The following SERPINE2 variants were observed in gnomAD, a reference collection of about 807,000 sequenced individuals.
SERPINE2 encodes the protein serpin family E member 2, also known as glia-derived nexin.
A neutral mutation model predicts 36.3 loss-of-function variants in SERPINE2; 14 were observed. That is an observed-to-expected ratio of 0.39 (90% CI 0.25 to 0.60). The LOEUF is 0.60. Among genes scored for constraint, SERPINE2 ranks in the 20% least tolerant of loss-of-function variants. The pLI, the probability that SERPINE2 is intolerant of heterozygous loss-of-function variation, is 0.57. For missense variants in SERPINE2, 418 were observed against 499.6 expected, an observed-to-expected ratio of 0.84 and a Z score of 1.56; for synonymous variants, 192 against 191.8, an observed-to-expected ratio of 1.00 and a Z score of -0.01.
chr2:224,028,095 A>G (rs924033771), intron 1 of SERPINE2, among the ~76,000 whole-genome samples: 2 of 152,208 alleles, frequency 1.3e-5, no homozygotes, highest in Admixed American at 6.5e-5. Context: ...GCTAAGGGCT[A>G]ACCAAGGGTG....
At position 224,001,884 on chromosome 2, in the gene SERPINE2, G is replaced by A; in HGVS notation, c.17C>T (p.Pro6Leu). 6.2e-7 allele frequency: 1 copy of A among 1,613,110 alleles called. No homozygotes were observed. Among genetic ancestry groups the A allele is most frequent in the Non-Finnish European group, 8.5e-7 (1 of 1,179,108 alleles). Residue 6 changes from proline to leucine, a missense_variant, in exon 2 of 9, where the codon CCC becomes CTC. By Grantham distance (98) the Pro-to-Leu change is moderately conservative. Transcript: ENST00000409304. The stretch of plus-strand genomic sequence containing the variant: ...CGTCACAGAGGCCAAGAGGAAGAGG[G>A]GGAGATGCCAGTTCATGGTTCCTTC... MNWHL[P>L]LFLLASVTLP... is the part of the protein sequence containing the mutation.
At chr2:223,999,614 G>C (rs1691028189) in intron 2 of SERPINE2, among the ~76,000 whole-genome samples, 1 of 152,104 alleles carries the variant, frequency 6.6e-6, no homozygotes, top group Admixed American at 6.5e-5. Flanking sequence ...CTACAAGTAA[G>C]AAAACGGCCG....
intron 1 of SERPINE2, among the ~76,000 whole-genome samples, chr2:224,014,500 AGGAAAGTCAGAG>A (rs1466764743): frequency 4.6e-5 from 7 of 152,210 alleles, no homozygotes; most frequent in Non-Finnish European, 7.3e-5. Flanking sequence ...TTCTAAACTA[AGGAAAGTCAGAG>A]GGAAAGTCAG....
intron 1 of SERPINE2, among the ~76,000 whole-genome samples, chr2:224,009,397 A>C (rs1691544341): frequency 6.6e-6 from 1 of 152,166 alleles, no homozygotes; most frequent in Non-Finnish European, 1.5e-5. Flanking sequence ...GGGCTTCCCA[A>C]AGAAATAAAT....
intron 1 of SERPINE2, among the ~76,000 whole-genome samples, chr2:224,024,445 C>G (rs917704533): frequency 6.6e-6 from 1 of 152,220 alleles, no homozygotes; most frequent in African/African-American, 2.4e-5. Flanking sequence ...ATTTCCTTTG[C>G]TACAGTTGAT....
At chr2:223,996,968 C>T (rs11884404) in intron 3 of SERPINE2, among the ~76,000 whole-genome samples, 64,555 of 151,974 alleles carry the variant, frequency 0.42, 17,031 homozygotes, top group African/African-American at 0.75. Flanking sequence ...TTCCAGCTAC[C>T]GGAAAGGCTG....
chr2:224,002,482 G>GTTATT (rs1050836524), intron 1 of SERPINE2, among the ~76,000 whole-genome samples: 7 of 151,738 alleles, frequency 4.6e-5, no homozygotes, highest in African/African-American at 1.7e-4. Context: ...TTAATTCTCG[G>GTTATT]TTATTTTATT....
At chr2:224,005,417 C>T (rs1181932283) in intron 1 of SERPINE2, among the ~76,000 whole-genome samples, 3 of 152,062 alleles carry the variant, frequency 2.0e-5, no homozygotes, top group Admixed American at 6.6e-5. Context: ...CTGGGCAGAA[C>T]TTCTCCTTGG....
intron 1 of SERPINE2, chr2:224,030,978 C>T (rs546168399): frequency 3.0e-6 from 3 of 985,458 alleles, no homozygotes; most frequent in African/African-American, 1.7e-5. Flanking sequence ...AAACGTACCA[C>T]ACAGATACTG....
At chr2:224,015,259 G>A (rs1382444104) in intron 1 of SERPINE2, among the ~76,000 whole-genome samples, 1 of 152,122 alleles carries the variant, frequency 6.6e-6, no homozygotes, top group Non-Finnish European at 1.5e-5. Flanking sequence ...TCATTTTCAC[G>A]TATTTACTTT....
chr2:224,031,158 C>A, intron 1 of SERPINE2: 2 of 985,414 alleles, frequency 2.0e-6, no homozygotes, highest in Non-Finnish European at 2.4e-6. Context: ...GCTCACGGTT[C>A]ACACATCTAC....
chr2:224,010,864 T>G (rs1691601764), intron 1 of SERPINE2, among the ~76,000 whole-genome samples: 1 of 152,172 alleles, frequency 6.6e-6, no homozygotes, highest in Non-Finnish European at 1.5e-5. Flanking sequence ...TCAGCAACCA[T>G]TTAGAAAGTC....
rs1690194084 is a variant in SERPINE2, at chr2:223,980,594, T to G, written c.986-197A>C. 5.3e-5 allele frequency: 29 copies of G among 550,694 alleles called. No homozygotes were observed. In the South Asian group the frequency reaches 6.0e-4, roughly 11 times the overall value. The allele number at this position is 550,694 out of a possible 1,614,324, so 34.1% of individuals were successfully genotyped here. A position where few individuals can be genotyped will look rare whatever the true frequency, so the allele number is the denominator to read the frequency against. On this transcript the variant is annotated intron_variant, in intron 6 of 8. Transcript: ENST00000409304. ...GAATTTCAGTCCCTGCTAAGTGAAC[T>G]GTGATACTCACTTCTGGAGAAGGGC...
intron 4 of SERPINE2, among the ~76,000 whole-genome samples, chr2:223,985,300 CT>C (rs35920706): frequency 0.65 from 95,209 of 145,776 alleles, 32,417 homozygotes; most frequent in Non-Finnish European, 0.78. Context: ...AGAATCATTC[CT>C]TTTTTTTTTT....
Position 223,982,748 on chromosome 2 carries a change from C to G in SERPINE2, c.918G>C (p.Glu306Asp), listed in dbSNP as rs755224716. 6.2e-7 allele frequency: 1 copy of G among 1,613,710 alleles called. No homozygotes were observed. Among genetic ancestry groups the G allele is most frequent in the African/African-American group, 1.3e-5 (1 of 74,892 alleles). The change falls in exon 6 of 9, where the codon GAG becomes GAC. Residue 306 changes from glutamate (E) to aspartate (D), a missense_variant. Physicochemically the swap from Glu to Asp is conservative, Grantham distance 45. Transcript: ENST00000409304. ...CAGTAATGCCAAGAACTTTCAGCGGCTCCTTCAAATCTGTTTGTGCTACAG... is the reference window on the plus strand; with the variant it reads ...CAGTAATGCCAAGAACTTTCAGCGGGTCCTTCAAATCTGTTTGTGCTACAG... The part of the protein sequence containing the change: ...FTAVAQTDLK[E>D]PLKVLGITDM...
chr2:224,000,496 GCTCT>G (rs1030229126), intron 2 of SERPINE2, among the ~76,000 whole-genome samples: 3 of 151,656 alleles, frequency 2.0e-5, no homozygotes, highest in African/African-American at 4.8e-5. Context: ...TTTTTAGCTC[GCTCT>G]CTCTCTCTAC....
intron 2 of SERPINE2, among the ~76,000 whole-genome samples, chr2:224,000,929 C>T (rs1321921302): frequency 4.6e-5 from 7 of 152,124 alleles, no homozygotes; most frequent in African/African-American, 1.7e-4. Flanking sequence ...TCCAGTCTAT[C>T]ATTGATGGAC....
intron 1 of SERPINE2, among the ~76,000 whole-genome samples, chr2:224,021,222 G>T (rs1312399190): frequency 6.6e-6 from 1 of 152,198 alleles, no homozygotes; most frequent in Non-Finnish European, 1.5e-5. Flanking sequence ...AAGGGTGGGT[G>T]AAGGCAGCAT....
At chr2:224,002,029 T>G (rs1417163002) in intron 1 of SERPINE2, 107 bp from the exon 2 acceptor site, 6 of 1,070,002 alleles carry the variant, frequency 5.6e-6, no homozygotes, top group Middle Eastern at 3.1e-4. Context: ...CAGGCTGGAG[T>G]GAAGTGGTGC....
Sources: allele counts gnomAD v4.1 joint callset (sites outside exome capture counted in the v4.1 genomes callset), GRCh38; gene constraint gnomAD v4.1.1; transcripts MANE v1.5; gene names NCBI Gene and HGNC (gene_info 2026-07-23, HGNC 2026-07-21).